The following SUMF1 variants were observed in gnomAD, a reference collection of about 807,000 sequenced individuals.
The protein encoded by SUMF1 is formylglycine-generating enzyme.
In SUMF1, 48 loss-of-function variants were observed where a neutral mutation model predicts 47.6. That is an observed-to-expected ratio of 1.01 (90% CI 0.80 to 1.28). The LOEUF is 1.28. Among genes scored for constraint, SUMF1 ranks in the 50% most tolerant of loss-of-function variants. The probability of loss-of-function intolerance (pLI) is 0.00; values close to 1 mark genes in which losing one functional copy is unlikely to be tolerated. For synonymous variants in SUMF1, 230 were observed against 192.1 expected, an observed-to-expected ratio of 1.20 and a Z score of -1.63; for missense variants, 571 against 485.4, an observed-to-expected ratio of 1.18 and a Z score of -1.66.
At chr3:4,036,998 C>T (rs1689934728) in intron 9 of SUMF1, among the ~76,000 whole-genome samples, 1 of 151,994 alleles carries the variant, frequency 6.6e-6, no homozygotes, top group African/African-American at 2.4e-5. Context: ...CCAAGATATA[C>T]ACACAGCTTA....
chr3:4,211,119 T>TATATATATATATATATATATACAC (rs1440211464), intron 8 of SUMF1, among the ~76,000 whole-genome samples: 4 of 133,786 alleles, frequency 3.0e-5, no homozygotes, highest in African/African-American at 1.2e-4. Context: ...TATATATATA[T>TATATATATATATATATATATACAC]ATACACACAC....
At chr3:4,226,994 G>T (rs1195933006) in intron 8 of SUMF1, among the ~76,000 whole-genome samples, 2 of 152,070 alleles carry the variant, frequency 1.3e-5, no homozygotes, top group Non-Finnish European at 2.9e-5. Flanking sequence ...GAGGCATGGG[G>T]TGGAACTTGG....
intron 3 of SUMF1, among the ~76,000 whole-genome samples, chr3:4,432,504 C>T (rs1181321561): frequency 1.3e-5 from 2 of 152,166 alleles, no homozygotes; most frequent in African/African-American, 4.8e-5. Flanking sequence ...CCTACTTCTC[C>T]AACCTAACCC....
intron 8 of SUMF1, among the ~76,000 whole-genome samples, chr3:4,109,302 T>A (rs1354320741): frequency 6.6e-6 from 1 of 152,160 alleles, no homozygotes; most frequent in African/African-American, 2.4e-5. Context: ...CCGCTGTAAG[T>A]CTGATGGGCT....
intron 9 of SUMF1, among the ~76,000 whole-genome samples, chr3:4,035,907 G>A (rs977866276): frequency 6.6e-6 from 1 of 152,136 alleles, no homozygotes; most frequent in Non-Finnish European, 1.5e-5. Flanking sequence ...AGTTTAGGGG[G>A]TGAGTGGACA....
intron 8 of SUMF1, among the ~76,000 whole-genome samples, chr3:4,171,061 T>C (rs1341353599): frequency 6.6e-6 from 1 of 152,226 alleles, no homozygotes; most frequent in African/African-American, 2.4e-5. Context: ...TTCAACAGAA[T>C]CTTAATCTCA....
intron 8 of SUMF1, among the ~76,000 whole-genome samples, chr3:4,240,172 G>C (rs1341733369): frequency 6.6e-6 from 1 of 152,150 alleles, no homozygotes; most frequent in East Asian, 1.9e-4. Context: ...TGGTTTGCCA[G>C]TATTTTATTG....
intron 8 of SUMF1, among the ~76,000 whole-genome samples, chr3:4,182,724 C>G (rs2125135025): frequency 6.6e-6 from 1 of 152,142 alleles, no homozygotes; most frequent in South Asian, 2.1e-4. Flanking sequence ...TATTGGACTT[C>G]AGGTATAGTT....
chr3:4,207,933 G>A (rs966636833), intron 8 of SUMF1, among the ~76,000 whole-genome samples: 13 of 152,094 alleles, frequency 8.5e-5, no homozygotes, highest in Non-Finnish European at 1.6e-4. Flanking sequence ...AAACTCCAGG[G>A]AGAATGAGTC....
At chr3:4,445,588 T>A (rs1470012034) in intron 3 of SUMF1, among the ~76,000 whole-genome samples, 1 of 152,132 alleles carries the variant, frequency 6.6e-6, no homozygotes, top group African/African-American at 2.4e-5. Context: ...CAGGTGAACA[T>A]CCTGCTTCGG....
intron 3 of SUMF1, among the ~76,000 whole-genome samples, chr3:4,421,847 A>C (rs1397895949): frequency 6.6e-6 from 1 of 152,194 alleles, no homozygotes; most frequent in Non-Finnish European, 1.5e-5. Flanking sequence ...TTATCCCCAC[A>C]ACAATGTTAC....
chr3:4,392,236 C>T (rs926368414), intron 7 of SUMF1, among the ~76,000 whole-genome samples: 19 of 152,224 alleles, frequency 1.2e-4, no homozygotes, highest in Admixed American at 1.1e-3. Context: ...TAGTAGTATA[C>T]TTTTCAATTC....
At chr3:4,181,220 G>A (rs920971050) in intron 8 of SUMF1, among the ~76,000 whole-genome samples, 8 of 152,000 alleles carry the variant, frequency 5.3e-5, no homozygotes, top group East Asian at 1.9e-4. Context: ...GTTTTCCTTC[G>A]CTCTGTTGTC....
At chr3:4,221,414 GGTGT>G (rs113359661) in intron 8 of SUMF1, among the ~76,000 whole-genome samples, 52,927 of 147,968 alleles carry the variant, frequency 0.36, 9,579 homozygotes, top group Non-Finnish European at 0.41. Flanking sequence ...GGTTTTTTGG[GGTGT>G]GTGTGTGTGT....
At chr3:4,172,957 G>T (rs970808276) in intron 8 of SUMF1, among the ~76,000 whole-genome samples, 1 of 152,052 alleles carries the variant, frequency 6.6e-6, no homozygotes, top group Admixed American at 6.6e-5. Flanking sequence ...GTATTGCCTC[G>T]GTTTTCTTCT....
At chr3:4,066,731 C>G (rs1188863188) in intron 9 of SUMF1, among the ~76,000 whole-genome samples, 5 of 152,116 alleles carry the variant, frequency 3.3e-5, no homozygotes, top group Admixed American at 6.6e-5. Flanking sequence ...ATGTCACCTG[C>G]AATATAACAA....
rs370819488 is a variant in SUMF1 at position 4,268,399 on chromosome 3, A to T, written c.1014+107931T>A. On this transcript the variant is annotated intron_variant and NMD_transcript_variant, in intron 8 of 12. Coordinates refer to the SUMF1 transcript ENST00000448413. ...GTATACATATGTAACTAACCTGCAC[A>T]TTGTGCACATGTAGCCTAAAACTTA... 1.6e-3 allele frequency among the ~76,000 whole-genome samples: 248 copies of T among 152,258 alleles called. 9 individuals are homozygous for T. The South Asian group carries it at 0.049, about 30-fold the overall frequency.
intron 8 of SUMF1, among the ~76,000 whole-genome samples, chr3:4,265,534 C>T (rs1202165098): frequency 2.0e-5 from 3 of 152,174 alleles, no homozygotes; most frequent in African/African-American, 7.2e-5. Context: ...CTAGCTACCC[C>T]TCAAACTATA....
intron 6 of SUMF1, among the ~76,000 whole-genome samples, chr3:4,415,934 G>A (rs543478377): frequency 5.9e-5 from 9 of 152,294 alleles, no homozygotes; most frequent in Admixed American, 1.3e-4. Context: ...GGATGCAGCC[G>A]ACATCAATCA....
Sources: gnomAD v4.1 joint callset for allele counts (sites outside exome capture counted in the v4.1 genomes callset) on GRCh38, gnomAD v4.1.1 for gene constraint, MANE v1.5 for transcripts, NCBI Gene and HGNC (gene_info 2026-07-23, HGNC 2026-07-21) for gene names.